CD84: variants seen among roughly 807,000 people sequenced by gnomAD.
CD84 encodes the protein CD84 molecule.
A neutral mutation model predicts 33.8 loss-of-function variants in CD84; 22 were observed. The ratio of observed to expected loss-of-function variants is 0.65; its 90% CI spans 0.46 to 0.93. The LOEUF (loss-of-function observed/expected upper bound fraction) is 0.93. Ranked by LOEUF, CD84 falls within the 40% of genes least tolerant of loss-of-function variation. The probability of loss-of-function intolerance (pLI) is 0.00; values close to 1 mark genes in which losing one functional copy is unlikely to be tolerated. For missense variants in CD84, 400 were observed against 397.6 expected (o/e 1.01, Z -0.05); for synonymous variants, 154 against 145.2 (o/e 1.06, Z -0.44).
chr1:160,553,486 C>CAGA lies in CD84; in HGVS notation c.651_652insTCT (p.Met217_Gly218insSer). 1 of 1,613,966 alleles carries CAGA rather than the reference C, an allele frequency of 6.2e-7. No homozygotes were observed. Among genetic ancestry groups the CAGA allele is most frequent in the Non-Finnish European group, 8.5e-7 (1 of 1,179,990 alleles). On this transcript the variant is annotated inframe_insertion, in exon 4 of 7. Coordinates refer to ENST00000368054, the MANE Select transcript of CD84 (RefSeq NM_003874.4). ...AACCCGGTGTGGTGAGTACGGAAGCCCATTGCGATGTCTGGAAATAGAAGA... is the reference window on the plus strand; with the variant it reads ...AACCCGGTGTGGTGAGTACGGAAGCCAGACATTGCGATGTCTGGAAATAGAAGA...
chr1:160,578,080 C>T lies in CD84; in HGVS notation c.46+1312G>A, dbSNP rs558867873. Among the ~76,000 whole-genome samples, 5 of 152,260 alleles carry T rather than the reference C, an allele frequency of 3.3e-5. No homozygotes were observed. The South Asian group carries it at 8.3e-4, about 25-fold the overall frequency. On this transcript the variant is annotated intron_variant, in intron 1 of 6. Coordinates refer to ENST00000368054, the MANE Select transcript of CD84 (RefSeq NM_003874.4). Reference sequence around the variant, plus strand: ...ACCTTGGAATTAGAAAAACCAATGTCTATTTCCAGCTCTACCAATTTAGGT... The same window carrying T: ...ACCTTGGAATTAGAAAAACCAATGTTTATTTCCAGCTCTACCAATTTAGGT...
At chr1:160,566,947 C>G in intron 1 of CD84, among the ~76,000 whole-genome samples, 1 of 152,102 alleles carries the variant, frequency 6.6e-6, no homozygotes, top group East Asian at 1.9e-4. Context: ...TTTTTCTGCT[C>G]TTTCTCCTCC....
chr1:160,548,770 C>T (rs1045846334), intron 6 of CD84, among the ~76,000 whole-genome samples: 4 of 152,112 alleles, frequency 2.6e-5, no homozygotes, highest in African/African-American at 7.2e-5. Flanking sequence ...AACAATCTTC[C>T]CATTGGTTTG....
chr1:160,575,306 G>A (rs1657928225), intron 1 of CD84, among the ~76,000 whole-genome samples: 1 of 152,120 alleles, frequency 6.6e-6, no homozygotes, highest in African/African-American at 2.4e-5. Flanking sequence ...TAGAGGGGAA[G>A]AGGAAGCACA....
intron 2 of CD84, among the ~76,000 whole-genome samples, chr1:160,563,484 A>G (rs1440827763): frequency 6.6e-6 from 1 of 152,192 alleles, no homozygotes; most frequent in Non-Finnish European, 1.5e-5. Context: ...CCCTCAGCAA[A>G]CTAATGCAGG....
chr1:160,549,800 C>T (rs932957305), intron 6 of CD84, 117 bp downstream of exon 6: 1 of 811,360 alleles, frequency 1.2e-6, no homozygotes, highest in East Asian at 2.4e-5. Flanking sequence ...GGCAGTGGGT[C>T]CTGAGAACTA....
Position 160,546,730 on chromosome 1 carries a change from T to G in CD84, c.*1526A>C. 1 of 159,776 alleles carries G rather than the reference T, an allele frequency of 6.3e-6. No individual in the cohort carries two copies. Among genetic ancestry groups the G allele is most frequent in the Non-Finnish European group, 1.4e-5 (1 of 73,072 alleles). The allele number at this position is 159,776 out of a possible 1,614,324, so 9.9% of individuals were successfully genotyped here. On this transcript the variant is annotated 3_prime_UTR_variant, in exon 7 of 7. Coordinates refer to ENST00000368054, the MANE Select transcript of CD84 (RefSeq NM_003874.4). ...GCCCAGCTTCAGCCCTGCCCCCTCA[T>G]AAGGTATTTTTCTGACTGTTCATGC...
chr1:160,556,521 A>G (rs1257920873), intron 2 of CD84, among the ~76,000 whole-genome samples: 2 of 152,244 alleles, frequency 1.3e-5, no homozygotes, highest in African/African-American at 2.4e-5. Flanking sequence ...TTAATTATCT[A>G]TGGAAGACAC....
Position 160,551,002 on chromosome 1 carries a change from A to G in CD84, c.794T>C (p.Ile265Thr), listed in dbSNP as rs1345163876. Residue 265 changes from isoleucine to threonine, a missense_variant, in exon 5 of 7, where the codon ATC (isoleucine) becomes ACC (threonine). Coordinates refer to ENST00000368054, the MANE Select transcript of CD84 (RefSeq NM_003874.4). ...TGGCTGGGTGTTCCTTGAAGCCATG[A>G]TATATGTGTATATGGTTTTCTTTGA... ...AASKKTIYTY[I>T]MASRNTQPAE... 1 of 1,613,948 alleles carries G rather than the reference A, an allele frequency of 6.2e-7. No individual in the cohort carries two copies. Among genetic ancestry groups the G allele is most frequent in the South Asian group, 1.1e-5 (1 of 91,076 alleles).
In CD84 at chr1:160,557,071, G is replaced by A. The variant is rs12094862; in HGVS notation, c.389-2925C>T. 3.0e-3 allele frequency among the ~76,000 whole-genome samples: 459 copies of A among 152,090 alleles called. 3 individuals are homozygous for A. Among genetic ancestry groups the A allele is most frequent in the African/African-American group, 0.01 (421 of 41,464 alleles). On this transcript the variant is annotated intron_variant, in intron 2 of 6. Coordinates refer to ENST00000368054, the MANE Select transcript of CD84 (RefSeq NM_003874.4). ...AAAATTAATGATTACTAGTTATTGA[G>A]CATTTACTTTAAGGCAGGCACTATA...
chr1:160,558,500 T>C (rs1656753153), intron 2 of CD84, among the ~76,000 whole-genome samples: 1 of 152,024 alleles, frequency 6.6e-6, no homozygotes, highest in Non-Finnish European at 1.5e-5. Flanking sequence ...ACCTCAAAGA[T>C]AAAAAGTAGA....
rs1178032646 is a variant in CD84, at chr1:160,549,929, C to T, written c.909G>A (p.Gln303=). The T allele has an allele frequency of 1.2e-6, 2 of 1,612,214 alleles. No homozygotes were observed. The highest frequency in any genetic ancestry group is 1.7e-6 in the Non-Finnish European group (2 of 1,178,322). The change falls in exon 6 of 7, where the codon CAG becomes CAA. Residue 303 remains glutamine, a synonymous_variant. Transcript: ENST00000368054. ...AGAAAGGGGTTACCTTATCAGCAAA[C>T]TGCACTTCGGAATAAACTGTGTTCA... ...EPVNTVYSEV[Q]FADKMGKAST...
chr1:160,572,060 A>G (rs774049135), intron 1 of CD84, among the ~76,000 whole-genome samples: 4 of 152,196 alleles, frequency 2.6e-5, no homozygotes, highest in Admixed American at 6.5e-5. Context: ...AAAGACGGTG[A>G]TAGGAAGAGG....
At chr1:160,579,075 C>G (rs1050633515) in intron 1 of CD84, among the ~76,000 whole-genome samples, 1 of 152,136 alleles carries the variant, frequency 6.6e-6, no homozygotes, top group African/African-American at 2.4e-5. Context: ...GAAGATCTTT[C>G]TTTTGCCAGG....
At chr1:160,556,051 GT>G (rs2102149413) in intron 2 of CD84, among the ~76,000 whole-genome samples, 1 of 152,310 alleles carries the variant, frequency 6.6e-6, no homozygotes, top group African/African-American at 2.4e-5. Flanking sequence ...TTTTGTGTGT[GT>G]GCGTGTGTGT....
intron 2 of CD84, among the ~76,000 whole-genome samples, chr1:160,559,661 G>GCGCTAAATA (rs1380331312): frequency 1.3e-5 from 2 of 152,062 alleles, no homozygotes; most frequent in African/African-American, 4.8e-5. Context: ...TGCGCTAAAT[G>GCGCTAAATA]CCCCCAATTT....
chr1:160,570,608 C>T (rs1441673330), intron 1 of CD84, among the ~76,000 whole-genome samples: 2 of 152,198 alleles, frequency 1.3e-5, no homozygotes, highest in African/African-American at 4.8e-5. Flanking sequence ...CATCTGTAAT[C>T]CCAACACTTT....
chr1:160,550,447 G>A (rs982417876), intron 5 of CD84, among the ~76,000 whole-genome samples: 9 of 152,202 alleles, frequency 5.9e-5, no homozygotes, highest in African/African-American at 1.9e-4. Flanking sequence ...GGTAAAGGGC[G>A]GATGGGAGGA....
intron 1 of CD84, among the ~76,000 whole-genome samples, chr1:160,577,379 G>C (rs114274520): frequency 6.6e-6 from 1 of 152,090 alleles, no homozygotes. Flanking sequence ...GCTCAGAAAA[G>C]GTTTGCAGAA....
Sources: allele counts gnomAD v4.1 joint callset (sites outside exome capture counted in the v4.1 genomes callset), GRCh38; gene constraint gnomAD v4.1.1; transcripts MANE v1.5; gene names NCBI Gene and HGNC (gene_info 2026-07-23, HGNC 2026-07-21).